The following RCBTB1 variants were observed in gnomAD, a reference collection of about 807,000 sequenced individuals.
The protein encoded by RCBTB1 is RCC1 and BTB domain containing protein 1.
A neutral mutation model predicts 62.4 loss-of-function variants in RCBTB1; 46 were observed. That is an observed-to-expected ratio of 0.74 (90% CI 0.58 to 0.94). The LOEUF (loss-of-function observed/expected upper bound fraction) is 0.94. RCBTB1 is among the 40% of genes least tolerant of loss of function. The probability of loss-of-function intolerance (pLI) is 0.00; values close to 1 mark genes in which losing one functional copy is unlikely to be tolerated. For missense variants in RCBTB1, 565 were observed against 654.9 expected (o/e 0.86, Z 1.50); for synonymous variants, 222 against 245.8 (o/e 0.90, Z 0.91).
intron 9 of RCBTB1, chr13:49,546,253 G>C (rs1320935977): frequency 1.0e-6 from 1 of 985,264 alleles, no homozygotes; most frequent in Non-Finnish European, 1.2e-6. Flanking sequence ...CATCCTTTCA[G>C]AGAAGAAATC....
chr13:49,534,897 G>A (rs1959821566), intron 12 of RCBTB1, among the ~76,000 whole-genome samples: 1 of 152,124 alleles, frequency 6.6e-6, no homozygotes, highest in Admixed American at 6.5e-5. Context: ...AGCCGGGCGT[G>A]GTGGTGGATG....
At chr13:49,548,506 AAC>A (rs1019348393) in intron 9 of RCBTB1, among the ~76,000 whole-genome samples, 14 of 152,260 alleles carry the variant, frequency 9.2e-5, no homozygotes, top group Admixed American at 3.3e-4. Context: ...CTTATACAAG[AAC>A]AGTCATGACA....
At chr13:49,578,330 AG>A (rs1286058045) in intron 2 of RCBTB1, among the ~76,000 whole-genome samples, 1 of 152,272 alleles carries the variant, frequency 6.6e-6, no homozygotes, top group African/African-American at 2.4e-5. Context: ...CTACATGTTC[AG>A]TACAAATGCA....
At chr13:49,571,057 A>C (rs1040762031) in intron 2 of RCBTB1, among the ~76,000 whole-genome samples, 6 of 152,222 alleles carry the variant, frequency 3.9e-5, no homozygotes, top group Non-Finnish European at 8.8e-5. Flanking sequence ...CAATATAAAA[A>C]GTATCCAGGC....
At chr13:49,540,731 G>T in intron 12 of RCBTB1, 145 bp downstream of exon 12, 1 of 777,114 alleles carries the variant, frequency 1.3e-6, no homozygotes, top group Non-Finnish European at 2.0e-6. Flanking sequence ...AGAAGCAAGG[G>T]CAGATTTCAG....
Position 49,532,267 on chromosome 13 carries a change from C to G in RCBTB1, c.*1855G>C, listed in dbSNP as rs979236185. ...ATATTCATACAAATGACTTAGTAATCTAATATGAGAAGTGGTCCTTCACTT... is the reference window on the plus strand; with the variant it reads ...ATATTCATACAAATGACTTAGTAATGTAATATGAGAAGTGGTCCTTCACTT... On this transcript the variant is annotated 3_prime_UTR_variant, in exon 13 of 13. Coordinates refer to ENST00000378302, the MANE Select transcript of RCBTB1 (RefSeq NM_018191.4). 2.0e-5 allele frequency: 3 copies of G among 152,560 alleles called. No homozygotes were observed. Among genetic ancestry groups the G allele is most frequent in the Non-Finnish European group, 4.4e-5 (3 of 68,024 alleles). The allele number at this position is 152,560 out of a possible 1,614,324, so 9.5% of individuals were successfully genotyped here. A position where few individuals can be genotyped will look rare whatever the true frequency, so the allele number is the denominator to read the frequency against.
At chr13:49,567,469 C>T (rs1038426841) in intron 2 of RCBTB1, 149 bp from the exon 3 acceptor site, 8 of 601,212 alleles carry the variant, frequency 1.3e-5, no homozygotes, top group Non-Finnish European at 2.3e-5. Flanking sequence ...TTCCCCCAGC[C>T]ATGTGTGCAA....
chr13:49,584,315 C>A (rs1056018223), intron 1 of RCBTB1, among the ~76,000 whole-genome samples: 2 of 152,036 alleles, frequency 1.3e-5, no homozygotes, highest in Non-Finnish European at 2.9e-5. Flanking sequence ...AACAGACTAG[C>A]GGGTAGAAGA....
chr13:49,550,322 G>A, intron 8 of RCBTB1: 1 of 386,624 alleles, frequency 2.6e-6, no homozygotes, highest in Non-Finnish European at 3.5e-6. Flanking sequence ...TCCTACCAGA[G>A]CTCAGAACAC....
At chr13:49,564,998 C>T (rs888225185) in intron 4 of RCBTB1, among the ~76,000 whole-genome samples, 5 of 152,142 alleles carry the variant, frequency 3.3e-5, no homozygotes, top group Non-Finnish European at 5.9e-5. Flanking sequence ...GCAGCTGTCC[C>T]GCTCCCGCTC....
chr13:49,541,871 T>A, intron 10 of RCBTB1, 44 bp from the exon 11 acceptor site: 1 of 1,549,202 alleles, frequency 6.5e-7, no homozygotes, highest in Non-Finnish European at 8.7e-7. Context: ...GCAGCAATTT[T>A]TAAAAAAGAA....
chr13:49,561,266 C>T (rs1262077222), intron 4 of RCBTB1, among the ~76,000 whole-genome samples: 2 of 152,152 alleles, frequency 1.3e-5, no homozygotes, highest in South Asian at 2.1e-4. Context: ...TCACAGCAGT[C>T]CCCAGGCAAC....
chr13:49,569,765 G>A (rs1165199129), intron 2 of RCBTB1, among the ~76,000 whole-genome samples: 1 of 151,698 alleles, frequency 6.6e-6, no homozygotes, highest in African/African-American at 2.4e-5. Context: ...TTATTAGCCA[G>A]GCATGGTGGC....
At chr13:49,540,734 G>C (rs894209642) in intron 12 of RCBTB1, 142 bp downstream of exon 12, 2 of 817,614 alleles carry the variant, frequency 2.4e-6, no homozygotes, top group African/African-American at 1.8e-5. Context: ...AGCAAGGGCA[G>C]ATTTCAGTTT....
intron 4 of RCBTB1, among the ~76,000 whole-genome samples, chr13:49,560,612 A>ATTTT (rs60783473): frequency 6.7e-6 from 1 of 148,338 alleles, no homozygotes; most frequent in Non-Finnish European, 1.5e-5. Context: ...ATCTGGCTGA[A>ATTTT]TTTTTTTTTT....
chr13:49,537,402 A>T (rs1361471561), intron 12 of RCBTB1, among the ~76,000 whole-genome samples: 3 of 152,238 alleles, frequency 2.0e-5, no homozygotes, highest in Non-Finnish European at 4.4e-5. Context: ...CCTACTGCTG[A>T]TCAAAGACTT....
At chr13:49,559,833 A>G in intron 5 of RCBTB1, 85 bp downstream of exon 5, 1 of 1,299,544 alleles carries the variant, frequency 7.7e-7, no homozygotes, top group South Asian at 1.4e-5. Flanking sequence ...TACACTTAAA[A>G]CTGGTGAAGC....
intron 2 of RCBTB1, among the ~76,000 whole-genome samples, chr13:49,576,938 T>TA (rs1963826209): frequency 6.6e-6 from 1 of 152,018 alleles, no homozygotes; most frequent in South Asian, 2.1e-4. Flanking sequence ...GTAACGTCCT[T>TA]AAAGATAATA....
intron 4 of RCBTB1, among the ~76,000 whole-genome samples, chr13:49,563,660 A>T (rs1028521833): frequency 7.2e-6 from 1 of 139,426 alleles, no homozygotes; most frequent in East Asian, 2.1e-4. Flanking sequence ...CTGTCTCAAA[A>T]GAAAAAAAAG....
Sources: gnomAD v4.1 joint callset for allele counts (sites outside exome capture counted in the v4.1 genomes callset) on GRCh38, gnomAD v4.1.1 for gene constraint, MANE v1.5 for transcripts, NCBI Gene and HGNC (gene_info 2026-07-23, HGNC 2026-07-21) for gene names.